Variants in NRXN1 observed in about 807,000 individuals in gnomAD.
NRXN1 encodes neurexin 1.
In NRXN1, 39 loss-of-function variants were observed where a neutral mutation model predicts 150.9. That is an observed-to-expected ratio of 0.26 (90% CI 0.20 to 0.34). The LOEUF is 0.34. Among genes scored for constraint, NRXN1 ranks in the 10% least tolerant of loss-of-function variants. The pLI is 1.00. For synonymous variants in NRXN1, 924 were observed against 757.0 expected, an observed-to-expected ratio of 1.22 and a Z score of -3.62; for missense variants, 1,815 against 1,949.9, an observed-to-expected ratio of 0.93 and a Z score of 1.30.
chr2:50,073,627 T>C (rs905176648), intron 19 of NRXN1, among the ~76,000 whole-genome samples: 5 of 152,138 alleles, frequency 3.3e-5, no homozygotes, highest in Admixed American at 6.5e-5. Context: ...GAGAAGCAAT[T>C]TGACATTAAT....
At chr2:50,086,708 T>C (rs1698818659) in intron 19 of NRXN1, among the ~76,000 whole-genome samples, 2 of 152,134 alleles carry the variant, frequency 1.3e-5, no homozygotes. Flanking sequence ...TGTTCCTTCC[T>C]ACAACTGGTT....
intron 17 of NRXN1, among the ~76,000 whole-genome samples, chr2:50,451,941 GTT>G (rs2087007684): frequency 6.6e-6 from 1 of 152,108 alleles, no homozygotes; most frequent in Non-Finnish European, 1.5e-5. Flanking sequence ...TTATATTACT[GTT>G]TTTTAATTAT....
intron 17 of NRXN1, among the ~76,000 whole-genome samples, chr2:50,381,522 A>AACACAC (rs59726557): frequency 0.013 from 1,613 of 128,584 alleles, 19 homozygotes; most frequent in Middle Eastern, 0.02. Flanking sequence ...CAGGCTTTTA[A>AACACAC]ACACACACAC....
chr2:50,920,535 C>A (rs140635759), intron 5 of NRXN1, among the ~76,000 whole-genome samples: 2 of 151,838 alleles, frequency 1.3e-5, no homozygotes, highest in East Asian at 2.0e-4. Flanking sequence ...AACACATATA[C>A]ATATACTTTA....
chr2:50,755,564 A>C (rs1156305838), intron 5 of NRXN1, among the ~76,000 whole-genome samples: 1 of 151,784 alleles, frequency 6.6e-6, no homozygotes, highest in Non-Finnish European at 1.5e-5. Flanking sequence ...TGCTGTAATT[A>C]AGTTTAGCCT....
intron 21 of NRXN1, among the ~76,000 whole-genome samples, chr2:49,951,086 T>G (rs1454534680): frequency 1.3e-5 from 2 of 151,934 alleles, no homozygotes; most frequent in African/African-American, 4.8e-5. Flanking sequence ...AAATCACATC[T>G]TACTCAGTCT....
At position 50,874,515 on chromosome 2, in the gene NRXN1, T is replaced by G. The variant is rs568157944; in HGVS notation, c.832+47354A>C. Among the ~76,000 whole-genome samples, 17 of 151,998 alleles carry G rather than the reference T, an allele frequency of 1.1e-4. No individual in the cohort carries two copies. In the East Asian group the frequency reaches 3.3e-3, roughly 30 times the overall value. ...TAAATTAACTTTGAAATCGTTTTAC[T>G]GTTAGCATCACGTTTTGAGAATAAT... On this transcript the variant is annotated intron_variant, in intron 5 of 22. Coordinates refer to ENST00000401669, the MANE Select transcript of NRXN1 (RefSeq NM_001330078.2).
chr2:50,436,699 T>C (rs2085478599), intron 17 of NRXN1, among the ~76,000 whole-genome samples: 1 of 152,228 alleles, frequency 6.6e-6, no homozygotes, highest in African/African-American at 2.4e-5. Context: ...TCACCTGGTA[T>C]ATTCTTCCAT....
chr2:50,599,049 G>A (rs1470808773), intron 8 of NRXN1, among the ~76,000 whole-genome samples: 1 of 152,032 alleles, frequency 6.6e-6, no homozygotes, highest in African/African-American at 2.4e-5. Flanking sequence ...TAGGATTACA[G>A]GTGTGAGCCA....
intron 8 of NRXN1, among the ~76,000 whole-genome samples, chr2:50,603,556 G>C (rs1382361203): frequency 1.3e-5 from 2 of 152,164 alleles, no homozygotes; most frequent in African/African-American, 4.8e-5. Flanking sequence ...TGATCAAGGA[G>C]ATGGTAGTGG....
chr2:50,338,162 T>A (rs1018598193), intron 17 of NRXN1, among the ~76,000 whole-genome samples: 3 of 152,248 alleles, frequency 2.0e-5, no homozygotes, highest in Non-Finnish European at 4.4e-5. Context: ...TTATTATTCA[T>A]CTTATTCCAG....
intron 5 of NRXN1, among the ~76,000 whole-genome samples, chr2:50,867,425 G>T (rs1255788607): frequency 2.0e-5 from 3 of 151,800 alleles, no homozygotes; most frequent in Non-Finnish European, 4.4e-5. Flanking sequence ...GACAGACGGA[G>T]AACTGTGAAG....
chr2:50,038,171 C>T (rs1324278993), intron 21 of NRXN1, among the ~76,000 whole-genome samples: 4 of 152,138 alleles, frequency 2.6e-5, no homozygotes, highest in Non-Finnish European at 5.9e-5. Context: ...CATAAAAAAT[C>T]ACATCAGTTG....
chr2:50,088,817 A>G (rs1226332967), intron 19 of NRXN1, among the ~76,000 whole-genome samples: 2 of 152,206 alleles, frequency 1.3e-5, no homozygotes, highest in Admixed American at 1.3e-4. Context: ...CAAATTGGAC[A>G]TTAGTCTGCT....
intron 5 of NRXN1, among the ~76,000 whole-genome samples, chr2:50,690,751 A>G (rs1170284688): frequency 6.6e-6 from 1 of 152,156 alleles, no homozygotes; most frequent in Non-Finnish European, 1.5e-5. Flanking sequence ...ATGATAATTT[A>G]TTTGGTATAA....
At chr2:50,953,094 T>C (rs1021387904) in intron 2 of NRXN1, among the ~76,000 whole-genome samples, 4 of 152,158 alleles carry the variant, frequency 2.6e-5, no homozygotes, top group African/African-American at 9.7e-5. Flanking sequence ...ATTTAAGAAG[T>C]AGACTCTGAC....
intron 5 of NRXN1, among the ~76,000 whole-genome samples, chr2:50,764,372 T>C (rs1402384746): frequency 6.6e-6 from 1 of 152,038 alleles, no homozygotes; most frequent in Non-Finnish European, 1.5e-5. Flanking sequence ...CAATAATACA[T>C]GACATCTAAG....
In NRXN1 at chr2:50,925,964, A is replaced by G. The variant is rs1222595127; in HGVS notation, c.773-9T>C. ...TTCCACATTGTTGTCTTCTGAAAGC[A>G]CATGACAAGGAGGGAGAGAAAAGGA... On this transcript the variant is annotated splice_polypyrimidine_tract_variant and intron_variant, in intron 2 of 22. Coordinates refer to ENST00000401669, the MANE Select transcript of NRXN1 (RefSeq NM_001330078.2). 1.3e-6 allele frequency: 2 copies of G among 1,572,418 alleles called. No individual in the cohort carries two copies. Among genetic ancestry groups the G allele is most frequent in the Admixed American group, 1.8e-5 (1 of 54,222 alleles).
At chr2:50,610,642 CAT>C (rs71404969) in intron 8 of NRXN1, among the ~76,000 whole-genome samples, 919 of 42,772 alleles carry the variant, frequency 0.021, 35 homozygotes, top group African/African-American at 0.043. Context: ...TAAATAGATA[CAT>C]ATATATATAT....
Sources: gnomAD v4.1 joint callset for allele counts (sites outside exome capture counted in the v4.1 genomes callset) on GRCh38, gnomAD v4.1.1 for gene constraint, MANE v1.5 for transcripts, NCBI Gene and HGNC (gene_info 2026-07-23, HGNC 2026-07-21) for gene names.